Variants in OPCML observed in about 807,000 individuals in gnomAD.
The protein encoded by OPCML is opioid binding protein/cell adhesion molecule like, also known as opioid-binding protein/cell adhesion molecule.
In OPCML, 13 loss-of-function variants were observed where a neutral mutation model predicts 37.8. The observed-to-expected ratio is 0.34, with a 90% CI of 0.22 to 0.55. The LOEUF (loss-of-function observed/expected upper bound fraction) is 0.55. Ranked by LOEUF, OPCML falls within the 20% of genes least tolerant of loss-of-function variation. The pLI, the probability that OPCML is intolerant of heterozygous loss-of-function variation, is 0.91. For synonymous variants in OPCML, 176 were observed against 168.8 expected (o/e 1.04, Z -0.33); for missense variants, 341 against 435.6 (o/e 0.78, Z 1.93).
At chr11:132,625,188 T>C (rs1939664576) in intron 3 of OPCML, among the ~76,000 whole-genome samples, 1 of 152,190 alleles carries the variant, frequency 6.6e-6, no homozygotes, top group Admixed American at 6.5e-5. Flanking sequence ...TCATTGTTTT[T>C]TGTTTTTTTC....
At chr11:132,438,832 C>T (rs990704131) in intron 4 of OPCML, among the ~76,000 whole-genome samples, 1 of 151,966 alleles carries the variant, frequency 6.6e-6, no homozygotes, top group Non-Finnish European at 1.5e-5. Flanking sequence ...GGTGCCCTGA[C>T]TCTGCTCCAA....
chr11:132,722,756 A>G (rs564525459), intron 2 of OPCML, among the ~76,000 whole-genome samples: 50 of 152,288 alleles, frequency 3.3e-4, no homozygotes, highest in African/African-American at 1.1e-3. Context: ...GGCAGGATCA[A>G]GTAGAAGAGG....
intron 4 of OPCML, among the ~76,000 whole-genome samples, chr11:132,459,352 C>G (rs992964331): frequency 6.6e-6 from 1 of 151,780 alleles, no homozygotes; most frequent in African/African-American, 2.4e-5. Flanking sequence ...CTTGGGACTT[C>G]TCAGCCTCCG....
intron 1 of OPCML, among the ~76,000 whole-genome samples, chr11:133,111,366 C>A (rs1409717056): frequency 6.6e-6 from 1 of 152,118 alleles, no homozygotes; most frequent in Admixed American, 6.6e-5. Context: ...AAATATGACT[C>A]CCTTTCTTTT....
intron 2 of OPCML, among the ~76,000 whole-genome samples, chr11:132,884,346 G>A (rs1024787750): frequency 3.9e-4 from 59 of 152,276 alleles, no homozygotes; most frequent in African/African-American, 1.4e-3. Context: ...ATGTTAAATG[G>A]CTCCAATAAG....
chr11:133,486,537 T>C (rs999368817), intron 1 of OPCML, among the ~76,000 whole-genome samples: 3 of 152,166 alleles, frequency 2.0e-5, no homozygotes, highest in Non-Finnish European at 2.9e-5. Context: ...CACAGCCTCC[T>C]CTGCTGAGTC....
intron 1 of OPCML, among the ~76,000 whole-genome samples, chr11:132,979,463 T>C (rs1400901215): frequency 6.6e-6 from 1 of 152,204 alleles, no homozygotes; most frequent in Non-Finnish European, 1.5e-5. Flanking sequence ...CACATATTCT[T>C]AAAAGGCTCT....
intron 4 of OPCML, among the ~76,000 whole-genome samples, chr11:132,524,605 C>A (rs1038929932): frequency 6.6e-6 from 1 of 152,176 alleles, no homozygotes; most frequent in Non-Finnish European, 1.5e-5. Flanking sequence ...TTGCATAGTG[C>A]TTTTCGTTAT....
intron 1 of OPCML, among the ~76,000 whole-genome samples, chr11:133,517,922 G>A (rs1254059865): frequency 6.6e-6 from 1 of 151,680 alleles, no homozygotes; most frequent in Non-Finnish European, 1.5e-5. Context: ...GAATGGGCAA[G>A]GAGGATGACT....
intron 1 of OPCML, among the ~76,000 whole-genome samples, chr11:133,263,295 C>T (rs577259422): frequency 1.1e-4 from 16 of 152,174 alleles, no homozygotes; most frequent in Non-Finnish European, 2.1e-4. Context: ...GCTCAGTGAA[C>T]GACAGACTGA....
intron 1 of OPCML, among the ~76,000 whole-genome samples, chr11:132,969,334 T>C (rs1298385079): frequency 1.3e-5 from 2 of 152,236 alleles, no homozygotes; most frequent in African/African-American, 2.4e-5. Context: ...AAGTTAGTTT[T>C]CTCTTGCTGC....
At chr11:132,438,216 T>A (rs925406058) in intron 4 of OPCML, among the ~76,000 whole-genome samples, 20 of 152,228 alleles carry the variant, frequency 1.3e-4, no homozygotes, top group African/African-American at 3.9e-4. Context: ...TTACTCCCTG[T>A]GGTTCAGTGC....
At chr11:133,019,416 C>G (rs1452629094) in intron 1 of OPCML, among the ~76,000 whole-genome samples, 1 of 152,158 alleles carries the variant, frequency 6.6e-6, no homozygotes, top group Non-Finnish European at 1.5e-5. Context: ...GGTCAGGCGG[C>G]CCCTTCTCCA....
chr11:132,734,356 G>A (rs1486952710), intron 2 of OPCML, among the ~76,000 whole-genome samples: 2 of 152,150 alleles, frequency 1.3e-5, no homozygotes, highest in East Asian at 1.9e-4. Flanking sequence ...CACAAAAGGC[G>A]TTGCAGTTTC....
At chr11:132,524,647 A>G (rs2096303311) in intron 4 of OPCML, among the ~76,000 whole-genome samples, 1 of 152,186 alleles carries the variant, frequency 6.6e-6, no homozygotes, top group African/African-American at 2.4e-5. Context: ...TCCTGGTAAC[A>G]TCCAGCTTTC....
At chr11:133,235,466 G>A (rs1940471870) in intron 1 of OPCML, among the ~76,000 whole-genome samples, 1 of 152,186 alleles carries the variant, frequency 6.6e-6, no homozygotes, top group African/African-American at 2.4e-5. Context: ...GAGGAGAAGG[G>A]AAGGGAAGAA....
chr11:132,666,281 G>A (rs1032740649), intron 2 of OPCML, among the ~76,000 whole-genome samples: 2 of 152,188 alleles, frequency 1.3e-5, no homozygotes, highest in African/African-American at 4.8e-5. Context: ...AGAAGGGAAA[G>A]GGGAGTTGGT....
At chr11:132,536,797 TATA>T (rs1208648844) in intron 3 of OPCML, among the ~76,000 whole-genome samples, 1 of 152,210 alleles carries the variant, frequency 6.6e-6, no homozygotes, top group Non-Finnish European at 1.5e-5. Flanking sequence ...ACTCAAATAG[TATA>T]ATATTTTGCA....
chr11:133,381,631 CA>C (rs1394566633), intron 1 of OPCML, among the ~76,000 whole-genome samples: 1 of 152,090 alleles, frequency 6.6e-6, no homozygotes, highest in African/African-American at 2.4e-5. Flanking sequence ...GAAAGAACTT[CA>C]GGGGATTGGG....
Sources: allele counts gnomAD v4.1 joint callset (sites outside exome capture counted in the v4.1 genomes callset), GRCh38; gene constraint gnomAD v4.1.1; transcripts MANE v1.5; gene names NCBI Gene and HGNC (gene_info 2026-07-23, HGNC 2026-07-21).